The following CEP57L1 variants were observed in gnomAD, a reference collection of about 807,000 sequenced individuals.
The protein encoded by CEP57L1 is centrosomal protein 57 like 1.
Under a neutral mutation model 61.0 loss-of-function variants are expected in CEP57L1, and 37 were observed. The observed-to-expected ratio is 0.61, with a 90% CI of 0.47 to 0.80. The LOEUF (loss-of-function observed/expected upper bound fraction) is 0.80, where lower values mean the gene tolerates loss of function less well. Ranked by LOEUF, CEP57L1 falls within the 30% of genes least tolerant of loss-of-function variation. The pLI is 0.00. For synonymous variants in CEP57L1, 137 were observed against 162.3 expected (o/e 0.84, Z 1.19); for missense variants, 422 against 524.7 (o/e 0.80, Z 1.91).
At chr6:109,108,241 C>CTTTTTT (rs1056595278) in intron 1 of CEP57L1, among the ~76,000 whole-genome samples, 1 of 137,996 alleles carries the variant, frequency 7.2e-6, no homozygotes, top group African/African-American at 2.6e-5. Context: ...ACATTTTTCT[C>CTTTTTT]TTTTTTTTTT....
chr6:109,095,948 G>T (rs1355082421), intron 1 of CEP57L1, among the ~76,000 whole-genome samples: 2 of 152,116 alleles, frequency 1.3e-5, no homozygotes, highest in Non-Finnish European at 2.9e-5. Flanking sequence ...GATGTTCTGG[G>T]CTTTATTTGC....
At chr6:109,114,455 G>A (rs2114653344) in intron 1 of CEP57L1, among the ~76,000 whole-genome samples, 1 of 151,684 alleles carries the variant, frequency 6.6e-6, no homozygotes, top group East Asian at 1.9e-4. Flanking sequence ...TTGGGTGTTA[G>A]CCCCTCATGT....
At chr6:109,104,980 A>T (rs540227440) in intron 1 of CEP57L1, among the ~76,000 whole-genome samples, 20 of 152,248 alleles carry the variant, frequency 1.3e-4, no homozygotes, top group Non-Finnish European at 2.5e-4. Context: ...AATGAAGTAG[A>T]ACGTTTTTGT....
Position 109,155,814 on chromosome 6 carries a change from TA to T in CEP57L1, c.685del (p.Ile229LeufsTer2), listed in dbSNP as rs1773163693. 6.4e-7 allele frequency: 1 copy of T among 1,569,914 alleles called. No individual in the cohort carries two copies. Among genetic ancestry groups the T allele is most frequent in the South Asian group, 1.1e-5 (1 of 87,988 alleles). On this transcript the variant is annotated frameshift_variant, in exon 7 of 11. Transcript: ENST00000517392. LOFTEE classifies it high-confidence loss of function. ...AGCTTCAAACTGGACTTGAAATCAG[TA>T]AAATTATAATGTCTTCAGTTTCAAA... ...SELQTGLEIS[K>X]IIMSSVSNLK...
At position 109,172,933 on chromosome 6, in the gene CEP57L1, TC is replaced by T; in HGVS notation, c.*9964del. Among the ~76,000 whole-genome samples, 1 of 152,184 alleles carries T rather than the reference TC, an allele frequency of 6.6e-6. No individual in the cohort carries two copies. Among genetic ancestry groups the T allele is most frequent in the Non-Finnish European group, 1.5e-5 (1 of 68,042 alleles). On this transcript the variant is annotated 3_prime_UTR_variant, in exon 11 of 11. Transcript: ENST00000517392. ...ATACTGCCCACATACTATACTGAAG[TC>T]AGGAACCAAGAACCGGTCAATTTAC...
intron 1 of CEP57L1, among the ~76,000 whole-genome samples, chr6:109,144,111 A>G (rs1193850746): frequency 6.6e-6 from 1 of 152,226 alleles, no homozygotes; most frequent in Non-Finnish European, 1.5e-5. Context: ...CAAGTATCTT[A>G]GCAAACCTTA....
chr6:109,150,717 C>G (rs1050221261), intron 4 of CEP57L1, among the ~76,000 whole-genome samples: 5 of 150,164 alleles, frequency 3.3e-5, no homozygotes, highest in African/African-American at 9.8e-5. Context: ...AAATTACACT[C>G]AAAGAGACAA....
chr6:109,155,732 A>C, intron 6 of CEP57L1, 59 bp from the exon 7 acceptor site: 1 of 839,844 alleles, frequency 1.2e-6, no homozygotes, highest in Middle Eastern at 2.4e-4. Flanking sequence ...CTGATATCTC[A>C]TTACAGTGTT....
At chr6:109,097,243 T>C (rs978006992) in intron 1 of CEP57L1, among the ~76,000 whole-genome samples, 8 of 152,220 alleles carry the variant, frequency 5.3e-5, no homozygotes, top group African/African-American at 1.9e-4. Context: ...TCTCCACCTG[T>C]CTTCAAACTG....
chr6:109,136,629 G>A (rs1770731997), intron 1 of CEP57L1, among the ~76,000 whole-genome samples: 2 of 151,094 alleles, frequency 1.3e-5, no homozygotes, highest in Admixed American at 1.3e-4. Flanking sequence ...GCACAGAGAA[G>A]TTAAACATTT....
intron 1 of CEP57L1, among the ~76,000 whole-genome samples, chr6:109,132,343 AC>A (rs1774287127): frequency 6.6e-6 from 1 of 152,212 alleles, no homozygotes; most frequent in Admixed American, 6.5e-5. Flanking sequence ...AAAAACACAA[AC>A]AGCAGCAACA....
chr6:109,149,201 A>G (rs1308891851), intron 3 of CEP57L1, among the ~76,000 whole-genome samples: 3 of 152,202 alleles, frequency 2.0e-5, no homozygotes, highest in Admixed American at 6.5e-5. Flanking sequence ...GCCCATGCCT[A>G]TGTCCTGAAT....
At chr6:109,150,405 G>A (rs572705895) in intron 4 of CEP57L1, among the ~76,000 whole-genome samples, 166 bp downstream of exon 4, 1 of 152,244 alleles carries the variant, frequency 6.6e-6, no homozygotes, top group South Asian at 2.1e-4. Context: ...ATGGGGAAAA[G>A]CAATATTTGA....
intron 1 of CEP57L1, among the ~76,000 whole-genome samples, chr6:109,104,971 A>G (rs1770756581): frequency 6.6e-6 from 1 of 152,156 alleles, no homozygotes; most frequent in Non-Finnish European, 1.5e-5. Flanking sequence ...TTCCTGATCA[A>G]TGAAGTAGAA....
At position 109,174,247 on chromosome 6, in the gene CEP57L1, C is replaced by T. The variant is rs1583705935; in HGVS notation, c.*11277C>T. Among the ~76,000 whole-genome samples, 1 of 152,160 alleles carries T rather than the reference C, an allele frequency of 6.6e-6. No homozygotes were observed. Among genetic ancestry groups the T allele is most frequent in the African/African-American group, 2.4e-5 (1 of 41,450 alleles). ...GAGAGAGTATGTTATGCACTGAGAA[C>T]TTTTCAGATTTCTTGCAGAGGTCAT... On this transcript the variant is annotated 3_prime_UTR_variant, in exon 11 of 11. Transcript: ENST00000517392.
At chr6:109,161,889 T>C (rs937965086) in intron 10 of CEP57L1, among the ~76,000 whole-genome samples, 2 of 152,106 alleles carry the variant, frequency 1.3e-5, no homozygotes, top group Non-Finnish European at 2.9e-5. Context: ...GTTAGCCAAA[T>C]AGAGAACTAG....
At position 109,168,748 on chromosome 6, in the gene CEP57L1, A is replaced by G. The variant is rs538658578; in HGVS notation, c.*5778A>G. 2.6e-5 allele frequency among the ~76,000 whole-genome samples: 4 copies of G among 151,568 alleles called. No individual in the cohort carries two copies. In the South Asian group the frequency reaches 8.4e-4, roughly 32 times the overall value. ...GTAGCTGGGATTATAGGTGTGCACC[A>G]CCATGCCCTGCTAATTTTTTGTATT... On this transcript the variant is annotated 3_prime_UTR_variant, in exon 11 of 11. Coordinates refer to ENST00000517392, the MANE Select transcript of CEP57L1 (RefSeq NM_001271852.3).
At chr6:109,142,460 G>C (rs558646089) in intron 1 of CEP57L1, among the ~76,000 whole-genome samples, 4 of 152,088 alleles carry the variant, frequency 2.6e-5, no homozygotes, top group Admixed American at 2.6e-4. Context: ...AGGGCCTGTG[G>C]GTGGTAAGGG....
At chr6:109,132,910 T>G (rs960123543) in intron 1 of CEP57L1, among the ~76,000 whole-genome samples, 1 of 152,210 alleles carries the variant, frequency 6.6e-6, no homozygotes, top group Non-Finnish European at 1.5e-5. Flanking sequence ...CATTTTGAAG[T>G]GTCCCTTATG....
Sources: gnomAD v4.1 joint callset for allele counts (sites outside exome capture counted in the v4.1 genomes callset) on GRCh38, gnomAD v4.1.1 for gene constraint, MANE v1.5 for transcripts, NCBI Gene and HGNC (gene_info 2026-07-23, HGNC 2026-07-21) for gene names.